Variants in MYLK observed in about 807,000 individuals in gnomAD.
MYLK encodes myosin light chain kinase, also known as myosin light chain kinase, smooth muscle.
A neutral mutation model predicts 203.4 loss-of-function variants in MYLK; 106 were observed. The ratio of observed to expected loss-of-function variants is 0.52; its 90% CI spans 0.45 to 0.61. The LOEUF is 0.61. MYLK is among the 20% of genes least tolerant of loss of function. The pLI, the probability that MYLK is intolerant of heterozygous loss-of-function variation, is 0.00. For missense variants in MYLK, 2,072 were observed against 2,442.3 expected (o/e 0.85, Z 3.20); for synonymous variants, 867 against 959.5 (o/e 0.90, Z 1.78).
At chr3:123,735,514 T>G in intron 8 of MYLK, 98 bp from the exon 9 acceptor site, 1 of 1,383,604 alleles carries the variant, frequency 7.2e-7, no homozygotes, top group Non-Finnish European at 1.0e-6. Flanking sequence ...GGTCCCACCC[T>G]GCTGGCTCCT....
intron 26 of MYLK, 25 bp from the exon 27 acceptor site, chr3:123,647,452 A>G (rs1303861153): frequency 6.2e-7 from 1 of 1,610,950 alleles, no homozygotes; most frequent in Non-Finnish European, 8.5e-7. Context: ...GGGAGGAGAG[A>G]AAAGCCACAT....
intron 4 of MYLK, among the ~76,000 whole-genome samples, chr3:123,761,365 T>C (rs2063527848): frequency 6.6e-6 from 1 of 152,216 alleles, no homozygotes; most frequent in Non-Finnish European, 1.5e-5. Context: ...ACCCAACACC[T>C]GCTCCACGTT....
intron 2 of MYLK, among the ~76,000 whole-genome samples, chr3:123,867,479 G>C (rs2032412971): frequency 6.7e-6 from 1 of 149,610 alleles, no homozygotes. Context: ...CAGACACACA[G>C]AGAGGAGGAC....
intron 2 of MYLK, among the ~76,000 whole-genome samples, chr3:123,840,121 C>T (rs2066556688): frequency 6.6e-6 from 1 of 151,998 alleles, no homozygotes; most frequent in South Asian, 2.1e-4. Flanking sequence ...GTGATCTAAG[C>T]TTCCACTTTA....
At chr3:123,752,210 TG>T (rs1171381213) in intron 5 of MYLK, 120 bp downstream of exon 5, 3 of 1,032,980 alleles carry the variant, frequency 2.9e-6, no homozygotes, top group Non-Finnish European at 4.6e-6. Context: ...GGTTCAAGGA[TG>T]GGGTGTGTTT....
rs1281389276 is a variant in MYLK, at chr3:123,766,802, A to G, written c.166-14264T>C. Among the ~76,000 whole-genome samples, 3 of 152,362 alleles carry G rather than the reference A, an allele frequency of 2.0e-5. No individual in the cohort carries two copies. In the East Asian group the frequency reaches 5.8e-4, roughly 29 times the overall value. ...ACAGCCCTCTCACAAGCTATTGCTC[A>G]GGAATTTTAGGGCAATGGCCCAGGG... On this transcript the variant is annotated intron_variant, in intron 4 of 33. Transcript: ENST00000360304.
At chr3:123,800,817 T>C (rs1421098061) in intron 3 of MYLK, among the ~76,000 whole-genome samples, 1 of 152,186 alleles carries the variant, frequency 6.6e-6, no homozygotes, top group African/African-American at 2.4e-5. Flanking sequence ...GGAGACCCCC[T>C]ACCTGCTTTC....
chr3:123,662,507 G>C (rs2059595419), intron 23 of MYLK, among the ~76,000 whole-genome samples: 1 of 152,116 alleles, frequency 6.6e-6, no homozygotes, highest in African/African-American at 2.4e-5. Flanking sequence ...GAATGTCAGA[G>C]AATAGAGTCG....
chr3:123,663,430 G>T (rs1157900945), intron 23 of MYLK, among the ~76,000 whole-genome samples: 1 of 152,162 alleles, frequency 6.6e-6, no homozygotes, highest in East Asian at 1.9e-4. Context: ...CAGCTGGAGG[G>T]TGCTGGGGGG....
chr3:123,701,605 A>T, intron 16 of MYLK, 96 bp from the exon 17 acceptor site: 2 of 1,306,102 alleles, frequency 1.5e-6, no homozygotes, highest in African/African-American at 2.9e-5. Context: ...CCAGCGGGGA[A>T]GATGGAAGTC....
At chr3:123,781,099 G>A (rs1164405074) in intron 4 of MYLK, among the ~76,000 whole-genome samples, 1 of 152,222 alleles carries the variant, frequency 6.6e-6, no homozygotes, top group Non-Finnish European at 1.5e-5. Context: ...ACCTGCTCAG[G>A]GAATGTAGGG....
chr3:123,625,822 A>G (rs999256333), intron 31 of MYLK, among the ~76,000 whole-genome samples: 26 of 148,816 alleles, frequency 1.7e-4, no homozygotes, highest in Non-Finnish European at 3.7e-4. Flanking sequence ...AAAAAAAAAA[A>G]GAATTGTAAT....
chr3:123,741,045 G>A (rs2062840151), intron 5 of MYLK, among the ~76,000 whole-genome samples: 1 of 152,186 alleles, frequency 6.6e-6, no homozygotes, highest in African/African-American at 2.4e-5. Context: ...CCTGAAAGTT[G>A]TTCTTCTTTT....
intron 18 of MYLK, among the ~76,000 whole-genome samples, chr3:123,694,276 G>A (rs1576589363): frequency 6.6e-6 from 1 of 152,118 alleles, no homozygotes. Flanking sequence ...CCCAAACCTC[G>A]GGAAGGCTTC....
chr3:123,743,792 G>C (rs935512989), intron 5 of MYLK, among the ~76,000 whole-genome samples: 1 of 152,138 alleles, frequency 6.6e-6, no homozygotes, highest in Non-Finnish European at 1.5e-5. Flanking sequence ...GACTGAATCG[G>C]GTCAGAACAT....
chr3:123,856,868 A>C (rs969292134), intron 2 of MYLK, among the ~76,000 whole-genome samples: 3 of 152,060 alleles, frequency 2.0e-5, no homozygotes, highest in African/African-American at 7.2e-5. Context: ...CAACCTACAA[A>C]ATGGGATAAA....
intron 5 of MYLK, 43 bp from the exon 6 acceptor site, chr3:123,740,044 T>A (rs370628966): frequency 2.5e-6 from 4 of 1,607,716 alleles, no homozygotes; most frequent in Admixed American, 1.7e-5. Flanking sequence ...AGCCACCAAC[T>A]TGGAGCAATG....
At position 123,640,354 on chromosome 3, in the gene MYLK, G is replaced by A. The variant is rs1169915256; in HGVS notation, c.4770C>T (p.Asn1590=). 6.2e-7 allele frequency: 1 copy of A among 1,613,982 alleles called. No individual in the cohort carries two copies. The highest frequency in any genetic ancestry group is 2.2e-5 in the East Asian group (1 of 44,862). The change falls in exon 28 of 34, where the codon AAC becomes AAT. Residue 1590 remains asparagine (N), a synonymous_variant. Coordinates refer to ENST00000360304, the MANE Select transcript of MYLK (RefSeq NM_053025.4). This position sits in a 1 kb window ranked among gnomAD's most constrained non-coding sequence, Gnocchi z 4.3. ...GIVHLDLKPE[N]IMCVNKTGTR... is the part of the protein sequence containing the mutation. ...TGCCCGTCTTGTTGACACACATGAT[G>A]TTCTCCGGCTTGAGGTCCAGGTGCA... is the stretch of plus-strand genomic sequence containing the variant.
intron 3 of MYLK, among the ~76,000 whole-genome samples, chr3:123,829,262 T>C (rs149341694): frequency 5.3e-5 from 8 of 152,154 alleles, no homozygotes; most frequent in African/African-American, 1.7e-4. Context: ...TATTCAGCCA[T>C]AAAAAAGAAT....
Sources: allele counts gnomAD v4.1 joint callset (sites outside exome capture counted in the v4.1 genomes callset), GRCh38; gene constraint gnomAD v4.1.1; non-coding constraint Gnocchi (gnomAD v3.1); transcripts MANE v1.5; gene names NCBI Gene and HGNC (gene_info 2026-07-23, HGNC 2026-07-21).